CENPM: variants seen among roughly 807,000 people sequenced by gnomAD.
The protein encoded by CENPM is interphase centromere complex protein 39.
CENPM carries 14 observed loss-of-function variants against 19.6 expected under a neutral mutation model. The observed-to-expected ratio is 0.71, with a 90% CI of 0.47 to 1.11. CENPM has a LOEUF of 1.11. Ranked by LOEUF, CENPM falls within the 50% of genes most tolerant of loss-of-function variation. The pLI, the probability that CENPM is intolerant of heterozygous loss-of-function variation, is 0.00. For missense variants in CENPM, 239 were observed against 228.4 expected, an observed-to-expected ratio of 1.05 and a Z score of -0.30; for synonymous variants, 114 against 101.5, an observed-to-expected ratio of 1.12 and a Z score of -0.74.
intron 5 of CENPM, 128 bp downstream of exon 5, chr22:41,943,482 C>G: frequency 1.4e-6 from 1 of 731,620 alleles, no homozygotes; most frequent in Non-Finnish European, 2.2e-6. Flanking sequence ...GTGTCTCCCT[C>G]CCCTTCAGGA....
At chr22:41,931,982 G>T in the CENPM span, among the ~76,000 whole-genome samples, 2 of 152,370 alleles carry the variant, frequency 1.3e-5, no homozygotes, top group East Asian at 1.9e-4. Flanking sequence ...GACAAAGGGC[G>T]TTTCCCCACG....
chr22:41,946,838 C>T (rs1343681798), intron 1 of CENPM, 182 bp downstream of exon 1: 4 of 628,702 alleles, frequency 6.4e-6, no homozygotes, highest in South Asian at 1.9e-5. Flanking sequence ...TTGGTGGGTG[C>T]GTCCCTCAAC....
At chr22:41,929,239 C>T in the CENPM span, among the ~76,000 whole-genome samples, 1 of 152,200 alleles carries the variant, frequency 6.6e-6, no homozygotes, top group African/African-American at 2.4e-5. Context: ...AGCCAGAAGA[C>T]TGAGCCATAA....
chr22:41,946,555 C>T (rs776089850), intron 1 of CENPM, 59 bp from the exon 2 acceptor site: 146 of 1,457,362 alleles, frequency 1.0e-4, no homozygotes, highest in Non-Finnish European at 1.3e-4. Flanking sequence ...CTGGGGAGGG[C>T]CTGGCCCTTC....
chr22:41,938,761 C>G lies in CENPM; in HGVS notation c.*295G>C, dbSNP rs921465847. On this transcript the variant is annotated 3_prime_UTR_variant, in exon 6 of 6. Coordinates refer to ENST00000215980, the MANE Select transcript of CENPM (RefSeq NM_024053.5). ...GTGATTTTTAAACTTTTTTTAGCCA[C>G]AGACCTTTTGTTCAAAGGAAACCTT... 6 of 346,264 alleles carry G rather than the reference C, an allele frequency of 1.7e-5. No homozygotes were observed. Among genetic ancestry groups the G allele is most frequent in the Non-Finnish European group, 3.2e-5 (6 of 190,452 alleles). The allele number at this position is 346,264 out of a possible 1,614,324, so 21.4% of individuals were successfully genotyped here.
At chr22:41,936,447 G>T (rs1207563094), downstream of CENPM, among the ~76,000 whole-genome samples, 1 of 152,224 alleles carries the variant, frequency 6.6e-6, no homozygotes, top group Non-Finnish European at 1.5e-5. Context: ...CCAAGGGACT[G>T]CCAGGAAGTC....
At chr22:41,935,006 C>CT (rs745714631), downstream of CENPM, among the ~76,000 whole-genome samples, 7 of 152,256 alleles carry the variant, frequency 4.6e-5, no homozygotes, top group Non-Finnish European at 8.8e-5. Context: ...GACAGCAGGT[C>CT]TGAGGGCACC....
At chr22:41,928,169 C>T in the CENPM span, 1 of 431,520 alleles carries the variant, frequency 2.3e-6, no homozygotes. The surrounding 1 kb of genome is among the most constrained non-coding windows in gnomAD (Gnocchi z 4.0). Context: ...CCAGGAAGAT[C>T]TGCCTATGAG....
intron 2 of CENPM, 60 bp from the exon 3 acceptor site, chr22:41,946,065 A>T: frequency 7.1e-7 from 1 of 1,407,404 alleles, no homozygotes; most frequent in Admixed American, 1.9e-5. Flanking sequence ...GCGACCGTTT[A>T]AATGCTGCCC....
At chr22:41,942,335 G>C (rs1471402402) in intron 5 of CENPM, among the ~76,000 whole-genome samples, 1 of 152,218 alleles carries the variant, frequency 6.6e-6, no homozygotes, top group Non-Finnish European at 1.5e-5. Context: ...TAAAGGCCAG[G>C]CTCCGTGGCT....
Position 41,938,820 on chromosome 22 carries a change from C to T in CENPM, c.*236G>A, listed in dbSNP as rs2077697267. On this transcript the variant is annotated 3_prime_UTR_variant, in exon 6 of 6. Coordinates refer to ENST00000215980, the MANE Select transcript of CENPM (RefSeq NM_024053.5). ...ATGTAACACGCCAGCTGCTTAAAGA[C>T]ACAGGCTCTGCAAGAGTGAGTGTGG... The T allele has an allele frequency of 2.1e-6, 1 of 476,256 alleles. No individual in the cohort carries two copies. Among genetic ancestry groups the T allele is most frequent in the African/African-American group, 2.0e-5 (1 of 50,902 alleles). The allele number at this position is 476,256 out of a possible 1,614,324, so 29.5% of individuals were successfully genotyped here. A position where few individuals can be genotyped will look rare whatever the true frequency, so the allele number is the denominator to read the frequency against.
chr22:41,931,529 G>C, the CENPM span, among the ~76,000 whole-genome samples: 40 of 151,854 alleles, frequency 2.6e-4, no homozygotes, highest in Non-Finnish European at 5.9e-4. Flanking sequence ...GGGGTCTTCA[G>C]AGAGAAGGGG....
chr22:41,934,995 G>C (rs2077677908), downstream of CENPM, among the ~76,000 whole-genome samples: 1 of 152,234 alleles, frequency 6.6e-6, no homozygotes, highest in African/African-American at 2.4e-5. Context: ...CGCCTTCCAG[G>C]GACAGCAGGT....
intron 5 of CENPM, among the ~76,000 whole-genome samples, chr22:41,943,091 T>C (rs6002554): frequency 0.27 from 40,491 of 151,904 alleles, 6,188 homozygotes; most frequent in African/African-American, 0.38. Context: ...AACATCCCTA[T>C]TGCCTGCTGG....
the CENPM span, among the ~76,000 whole-genome samples, chr22:41,931,530 A>C: frequency 1.3e-5 from 2 of 151,872 alleles, no homozygotes; most frequent in Non-Finnish European, 2.9e-5. Flanking sequence ...GGGTCTTCAG[A>C]GAGAAGGGGG....
At chr22:41,944,070 C>A (rs2077769837) in intron 4 of CENPM, 1 of 983,764 alleles carries the variant, frequency 1.0e-6, no homozygotes. Flanking sequence ...CGGAGTGACA[C>A]TGGGGCTGAG....
At chr22:41,928,625 G>C in the CENPM span, among the ~76,000 whole-genome samples, 1 of 152,144 alleles carries the variant, frequency 6.6e-6, no homozygotes, top group African/African-American at 2.4e-5. This position sits in a 1 kb window ranked among gnomAD's most constrained non-coding sequence, Gnocchi z 4.0. Context: ...GGCTGCAGGG[G>C]CTAAGGCTTG....
chr22:41,943,662 A>G lies in CENPM; in HGVS notation c.350T>C (p.Val117Ala). The change falls in exon 5 of 6, where the codon GTG (valine) becomes GCG (alanine). Residue 117 changes from valine to alanine, a missense_variant. By Grantham distance (64) the Val-to-Ala change is moderately conservative. Coordinates refer to ENST00000215980, the MANE Select transcript of CENPM (RefSeq NM_024053.5). ...TTGATAGGTGTGGGCCAGCTTCACC[A>G]CGGTGTGCCGGTGAATGCTGCAGTG... ...ESHCSIHRHT[V>A]VKLAHTYQSP... 6.2e-7 allele frequency: 1 copy of G among 1,613,856 alleles called. No individual in the cohort carries two copies.
In CENPM at chr22:41,938,856, G is replaced by A; in HGVS notation, c.*200C>T. The A allele has an allele frequency of 3.5e-6, 2 of 578,628 alleles. No individual in the cohort carries two copies. The highest frequency in any genetic ancestry group is 2.5e-5 in the South Asian group (1 of 40,132). 35.8% of individuals were successfully genotyped at this position (578,628 alleles called of 1,614,324 possible). The stretch of plus-strand genomic sequence containing the variant: ...CAAGAGTGAGTGTGGGAGTGGGAGG[G>A]GGCTACAGTCTCGCCAGCTGGGCCC... On this transcript the variant is annotated 3_prime_UTR_variant, in exon 6 of 6. Coordinates refer to ENST00000215980, the MANE Select transcript of CENPM (RefSeq NM_024053.5).
Sources: allele counts gnomAD v4.1 joint callset (sites outside exome capture counted in the v4.1 genomes callset), GRCh38; gene constraint gnomAD v4.1.1; non-coding constraint Gnocchi (gnomAD v3.1); transcripts MANE v1.5; gene names NCBI Gene and HGNC (gene_info 2026-07-23, HGNC 2026-07-21).